The following PCGF5 variants were observed in gnomAD, a reference collection of about 807,000 sequenced individuals.
The protein encoded by PCGF5 is polycomb group ring finger 5.
Under a neutral mutation model 44.3 loss-of-function variants are expected in PCGF5, and 9 were observed. The ratio of observed to expected loss-of-function variants is 0.20; its 90% CI spans 0.12 to 0.35. The LOEUF is 0.35. Among genes scored for constraint, PCGF5 ranks in the 10% least tolerant of loss-of-function variants. The probability of loss-of-function intolerance (pLI) is 1.00; values close to 1 mark genes in which losing one functional copy is unlikely to be tolerated. For synonymous variants in PCGF5, 95 were observed against 102.5 expected (o/e 0.93, Z 0.44); for missense variants, 146 against 305.3 (o/e 0.48, Z 3.89).
At chr10:91,183,062 G>C (rs145879253) in intron 1 of PCGF5, among the ~76,000 whole-genome samples, 6 of 152,256 alleles carry the variant, frequency 3.9e-5, no homozygotes, top group African/African-American at 1.4e-4. Flanking sequence ...AAGAGTACAT[G>C]TTTTGTGGCA....
At position 91,282,709 on chromosome 10, in the gene PCGF5, C is replaced by G. The variant is rs1222647661; in HGVS notation, c.*4393C>G. 1 of 152,536 alleles carries G rather than the reference C, an allele frequency of 6.6e-6. No homozygotes were observed. Among genetic ancestry groups the G allele is most frequent in the East Asian group, 1.9e-4 (1 of 5,186 alleles). 9.4% of individuals were successfully genotyped at this position (152,536 alleles called of 1,614,324 possible). ...CTTTCTGATAGGTCACTAGGTAAAA[C>G]TCCTTGGATAGGGTGAAAATGGATG... On this transcript the variant is annotated 3_prime_UTR_variant, in exon 10 of 10. Coordinates refer to ENST00000336126, the MANE Select transcript of PCGF5 (RefSeq NM_032373.5).
At chr10:91,215,759 C>T, upstream of PCGF5, among the ~76,000 whole-genome samples, 1 of 152,228 alleles carries the variant, frequency 6.6e-6, no homozygotes, top group East Asian at 1.9e-4. Flanking sequence ...GGACTAATTT[C>T]TTGTCCACCC....
intron 1 of PCGF5, among the ~76,000 whole-genome samples, chr10:91,190,570 G>A (rs1844014543): frequency 6.6e-6 from 1 of 152,186 alleles, no homozygotes; most frequent in South Asian, 2.1e-4. Context: ...CCATGGTGAG[G>A]AAAGTTGATT....
chr10:91,272,501 G>T (rs148992362), intron 9 of PCGF5, among the ~76,000 whole-genome samples: 1 of 152,040 alleles, frequency 6.6e-6, no homozygotes. Context: ...GGCCAGACAC[G>T]GTGGCTCACC....
At chr10:91,217,278 C>T (rs547682043), upstream of PCGF5, among the ~76,000 whole-genome samples, 15 of 152,294 alleles carry the variant, frequency 9.8e-5, no homozygotes, top group African/African-American at 2.4e-4. Flanking sequence ...TGTGACCACC[C>T]GCCTCGGCCT....
chr10:91,253,581 A>G (rs969054264), intron 6 of PCGF5, among the ~76,000 whole-genome samples: 1 of 152,056 alleles, frequency 6.6e-6, no homozygotes, highest in Non-Finnish European at 1.5e-5. Flanking sequence ...CTTTCAGCCA[A>G]TCAAATAAGT....
upstream of PCGF5, among the ~76,000 whole-genome samples, chr10:91,218,159 A>T (rs1459311841): frequency 1.3e-5 from 2 of 152,190 alleles, no homozygotes; most frequent in African/African-American, 4.8e-5. Flanking sequence ...ATTAAAGAAA[A>T]CTGAAGCTGA....
chr10:91,197,264 C>T (rs1279263316), intron 1 of PCGF5, among the ~76,000 whole-genome samples: 2 of 152,194 alleles, frequency 1.3e-5, no homozygotes, highest in East Asian at 1.9e-4. Flanking sequence ...TCTGAAGGCT[C>T]GCGAGCTGAC....
chr10:91,224,114 A>G (rs1844754727), intron 2 of PCGF5, among the ~76,000 whole-genome samples: 3 of 152,202 alleles, frequency 2.0e-5, no homozygotes, highest in African/African-American at 7.2e-5. Flanking sequence ...TTTTACCACA[A>G]TAAAAAATAG....
intron 1 of PCGF5, among the ~76,000 whole-genome samples, chr10:91,210,854 A>G (rs184552970): frequency 6.6e-6 from 1 of 152,352 alleles, no homozygotes; most frequent in African/African-American, 2.4e-5. Context: ...GATAGTAGTA[A>G]GTAGGAGAGC....
intron 2 of PCGF5, among the ~76,000 whole-genome samples, chr10:91,224,092 A>T (rs941024164): frequency 2.0e-5 from 3 of 152,342 alleles, no homozygotes; most frequent in Admixed American, 6.5e-5. Context: ...TGTTACATTT[A>T]TGTTACATTT....
rs757330858 is a variant in PCGF5, at chr10:91,209,762, CGAAG to C, written c.-183-12926_-183-12923del. Among the ~76,000 whole-genome samples the C allele has an allele frequency of 9.6e-4, 96 of 100,206 alleles. 47 individuals are homozygous for C. The highest frequency in any genetic ancestry group is 1.6e-3 in the Non-Finnish European group (74 of 46,516). 65.7% of individuals were successfully genotyped at this position (100,206 alleles called of 152,430 possible). On this transcript the variant is annotated intron_variant, in intron 1 of 9. Transcript: ENST00000614189. ...TGGGCAACAGAGCGAGACTCCGTCT[CGAAG>C]AAAAAAAAAGAAAAAAAAAAAAAAA... is the stretch of plus-strand genomic sequence containing the variant.
At position 91,273,840 on chromosome 10, in the gene PCGF5, T is replaced by C. The variant is rs559297076; in HGVS notation, c.723+2143T>C. Among the ~76,000 whole-genome samples, 13 of 149,938 alleles carry C rather than the reference T, an allele frequency of 8.7e-5. No homozygotes were observed. In the East Asian group the frequency reaches 1.7e-3, roughly 20 times the overall value. ...AATATAGTGTATATTATATAGTGTA[T>C]AATATAAAATATTTTATACATTTTA... On this transcript the variant is annotated intron_variant, in intron 9 of 9. Coordinates refer to ENST00000336126, the MANE Select transcript of PCGF5 (RefSeq NM_032373.5).
At chr10:91,221,374 A>G (rs749506310) in intron 1 of PCGF5, among the ~76,000 whole-genome samples, 3 of 152,076 alleles carry the variant, frequency 2.0e-5, no homozygotes, top group Non-Finnish European at 4.4e-5. Context: ...AGTTAATCCC[A>G]ACTTATAGAG....
chr10:91,214,626 G>A (rs1292033497), intron 1 of PCGF5, among the ~76,000 whole-genome samples: 7 of 152,230 alleles, frequency 4.6e-5, no homozygotes, highest in Admixed American at 2.0e-4. Flanking sequence ...AGTTGACCGG[G>A]ATAGCATGTT....
At chr10:91,264,169 T>A (rs185791068) in intron 7 of PCGF5, among the ~76,000 whole-genome samples, 20 of 152,248 alleles carry the variant, frequency 1.3e-4, no homozygotes, top group African/African-American at 4.8e-4. Context: ...ACATTGCATT[T>A]GTAAATTATG....
intron 5 of PCGF5, among the ~76,000 whole-genome samples, chr10:91,249,723 T>A (rs887581225): frequency 4.0e-5 from 6 of 151,790 alleles, no homozygotes; most frequent in Admixed American, 6.6e-5. Flanking sequence ...GCAGGGGAAG[T>A]TTGAGAATAG....
chr10:91,179,709 A>G (rs750308222), intron 1 of PCGF5, among the ~76,000 whole-genome samples: 3 of 152,200 alleles, frequency 2.0e-5, no homozygotes, highest in Non-Finnish European at 2.9e-5. Context: ...ATAGTATTCC[A>G]TGGTGTGTAT....
chr10:91,224,584 T>TC (rs2133286837), intron 2 of PCGF5, among the ~76,000 whole-genome samples: 1 of 152,266 alleles, frequency 6.6e-6, no homozygotes, highest in East Asian at 1.9e-4. Context: ...TTATAGTGGG[T>TC]CAGCCTCTTT....
Sources: gnomAD v4.1 joint callset for allele counts (sites outside exome capture counted in the v4.1 genomes callset) on GRCh38, gnomAD v4.1.1 for gene constraint, MANE v1.5 for transcripts, NCBI Gene and HGNC (gene_info 2026-07-23, HGNC 2026-07-21) for gene names.